TNFRSF1B: variants seen among roughly 807,000 people sequenced by gnomAD.
TNFRSF1B encodes TNF receptor superfamily member 1B, also known as tumor necrosis factor receptor superfamily member 1B.
TNFRSF1B carries 19 observed loss-of-function variants against 44.6 expected under a neutral mutation model. The ratio of observed to expected loss-of-function variants is 0.43; its 90% CI spans 0.30 to 0.62. TNFRSF1B has a LOEUF of 0.62. TNFRSF1B is among the 20% of genes least tolerant of loss of function. The pLI is 0.16. For synonymous variants in TNFRSF1B, 252 were observed against 261.1 expected (o/e 0.97, Z 0.34); for missense variants, 541 against 619.9 (o/e 0.87, Z 1.35).
chr1:12,185,030 G>C (rs567462796), intron 1 of TNFRSF1B, among the ~76,000 whole-genome samples: 2 of 152,194 alleles, frequency 1.3e-5, no homozygotes, highest in Admixed American at 1.3e-4. Flanking sequence ...TTGGGGAAGC[G>C]CCCAGCAGCA....
intron 1 of TNFRSF1B, among the ~76,000 whole-genome samples, chr1:12,181,089 C>T (rs915611583): frequency 1.3e-5 from 2 of 152,180 alleles, no homozygotes; most frequent in African/African-American, 4.8e-5. Context: ...GAGGAACGGG[C>T]CTGGTGCCAG....
chr1:12,196,850 C>G (rs1337704382), intron 8 of TNFRSF1B, among the ~76,000 whole-genome samples: 1 of 152,242 alleles, frequency 6.6e-6, no homozygotes, highest in African/African-American at 2.4e-5. Flanking sequence ...GCCCAGCTGT[C>G]ACCTTCCCTT....
At position 12,207,318 on chromosome 1, in the gene TNFRSF1B, C is replaced by T; in HGVS notation, c.*298C>T. On this transcript the variant is annotated 3_prime_UTR_variant, in exon 10 of 10. Coordinates refer to ENST00000376259, the MANE Select transcript of TNFRSF1B (RefSeq NM_001066.3). ...CCTGACTCTCTGTGACCTGCCCCGC[C>T]CAGCTGCACCTGCCAGCCTGGCTTC... 2.8e-6 allele frequency: 1 copy of T among 359,808 alleles called. No individual in the cohort carries two copies. Among genetic ancestry groups the T allele is most frequent in the East Asian group, 4.1e-5 (1 of 24,206 alleles). 22.3% of individuals were successfully genotyped at this position (359,808 alleles called of 1,614,324 possible).
intron 1 of TNFRSF1B, chr1:12,167,381 A>C: frequency 2.4e-6 from 1 of 421,620 alleles, no homozygotes; most frequent in Non-Finnish European, 4.2e-6. Flanking sequence ...CGCTCGGGGC[A>C]CAACTCTGGC....
At chr1:12,200,905 G>T (rs1300973443) in intron 8 of TNFRSF1B, among the ~76,000 whole-genome samples, 1 of 152,186 alleles carries the variant, frequency 6.6e-6, no homozygotes, top group Non-Finnish European at 1.5e-5. Context: ...ACAGGCATGA[G>T]CCACCAAGCC....
intron 1 of TNFRSF1B, among the ~76,000 whole-genome samples, chr1:12,181,222 C>T (rs1053335954): frequency 3.9e-5 from 6 of 152,202 alleles, no homozygotes; most frequent in Admixed American, 6.5e-5. Flanking sequence ...CCACTAAAGC[C>T]GGGCAGTTCG....
intron 1 of TNFRSF1B, among the ~76,000 whole-genome samples, chr1:12,184,224 G>C (rs1638922571): frequency 6.6e-6 from 1 of 152,222 alleles, no homozygotes; most frequent in Admixed American, 6.5e-5. Context: ...CGGCTCCCAG[G>C]GCTGTGGTTT....
chr1:12,199,135 C>T lies in TNFRSF1B; in HGVS notation c.901-2832C>T, dbSNP rs1020565951. ...TGTGGCTTGGGAGGAGGGAGGTGGC[C>T]GTGACCTTTGGGGGTTTTTGTTCTG... On this transcript the variant is annotated intron_variant, in intron 8 of 9. Transcript: ENST00000376259. The surrounding 1 kb of genome is among the most constrained non-coding windows in gnomAD (Gnocchi z 4.0). Among the ~76,000 whole-genome samples, 6 of 152,198 alleles carry T rather than the reference C, an allele frequency of 3.9e-5. No homozygotes were observed. Among genetic ancestry groups the T allele is most frequent in the Admixed American group, 3.3e-4 (5 of 15,276 alleles).
chr1:12,185,729 C>T (rs1022274393), intron 1 of TNFRSF1B, among the ~76,000 whole-genome samples: 2 of 152,190 alleles, frequency 1.3e-5, no homozygotes, highest in Admixed American at 6.5e-5. Flanking sequence ...GCGGCCCTGG[C>T]GCTGGAGTTA....
At chr1:12,203,626 G>A (rs1283221375) in intron 9 of TNFRSF1B, among the ~76,000 whole-genome samples, 1 of 152,228 alleles carries the variant, frequency 6.6e-6, no homozygotes, top group African/African-American at 2.4e-5. Flanking sequence ...GCCAGTGCCT[G>A]GAAGAGATCA....
At chr1:12,173,610 C>T (rs5745962) in intron 1 of TNFRSF1B, among the ~76,000 whole-genome samples, 5 of 152,298 alleles carry the variant, frequency 3.3e-5, no homozygotes, top group African/African-American at 7.2e-5. Flanking sequence ...TGTAGGCAGG[C>T]GCTGCAGAGC....
At chr1:12,202,211 C>T (rs911707364) in intron 9 of TNFRSF1B, 40 bp downstream of exon 9, 1 of 1,532,926 alleles carries the variant, frequency 6.5e-7, no homozygotes, top group African/African-American at 1.4e-5. Flanking sequence ...CCCAAGCCTC[C>T]TTGGTCTTTC....
intron 1 of TNFRSF1B, among the ~76,000 whole-genome samples, chr1:12,183,320 G>C (rs542282): frequency 0.22 from 33,101 of 152,138 alleles, 3,732 homozygotes; most frequent in South Asian, 0.26. Context: ...TCTGGGAGAC[G>C]AGGGGAGGTG....
intron 6 of TNFRSF1B, 39 bp downstream of exon 6, chr1:12,193,137 C>A: frequency 6.6e-7 from 1 of 1,524,846 alleles, no homozygotes; most frequent in Non-Finnish European, 9.0e-7. Context: ...CTCCTTCTGT[C>A]TGCCTGTCTT....
At chr1:12,184,974 T>C (rs1054310783) in intron 1 of TNFRSF1B, among the ~76,000 whole-genome samples, 1 of 152,108 alleles carries the variant, frequency 6.6e-6, no homozygotes, top group African/African-American at 2.4e-5. Context: ...GGCAGCTGTG[T>C]CTGGGAGGCC....
chr1:12,185,108 G>A (rs1352256742), intron 1 of TNFRSF1B, among the ~76,000 whole-genome samples: 1 of 148,894 alleles, frequency 6.7e-6, no homozygotes. Flanking sequence ...GTTAGTATTC[G>A]ATGGAATGGC....
At chr1:12,184,066 A>G (rs1416130523) in intron 1 of TNFRSF1B, among the ~76,000 whole-genome samples, 1 of 152,240 alleles carries the variant, frequency 6.6e-6, no homozygotes, top group East Asian at 1.9e-4. Flanking sequence ...TAACATGTCA[A>G]AGATCCCCTG....
At chr1:12,167,939 A>G (rs908579770) in intron 1 of TNFRSF1B, among the ~76,000 whole-genome samples, 1 of 152,244 alleles carries the variant, frequency 6.6e-6, no homozygotes, top group African/African-American at 2.4e-5. Flanking sequence ...CACAGTAGCA[A>G]CGGGCGTACA....
chr1:12,186,064 A>G lies in TNFRSF1B; in HGVS notation c.79-2732A>G, dbSNP rs1402449812. Among the ~76,000 whole-genome samples the G allele has an allele frequency of 6.6e-6, 1 of 152,152 alleles. No individual in the cohort carries two copies. The highest frequency in any genetic ancestry group is 1.5e-5 in the Non-Finnish European group (1 of 68,006). Reference sequence around the variant, plus strand: ...GCACCAGGCCATTCCAGGCATAGAAATCAGCTGGGGTGCAAAGGCCTGGGG... The same window carrying G: ...GCACCAGGCCATTCCAGGCATAGAAGTCAGCTGGGGTGCAAAGGCCTGGGG... On this transcript the variant is annotated intron_variant, in intron 1 of 9. Coordinates refer to ENST00000376259, the MANE Select transcript of TNFRSF1B (RefSeq NM_001066.3). This position sits in a 1 kb window ranked among gnomAD's most constrained non-coding sequence, Gnocchi z 4.8.
Sources: gnomAD v4.1 joint callset for allele counts (sites outside exome capture counted in the v4.1 genomes callset) on GRCh38, gnomAD v4.1.1 for gene constraint, Gnocchi (gnomAD v3.1) non-coding constraint, MANE v1.5 for transcripts, NCBI Gene and HGNC (gene_info 2026-07-23, HGNC 2026-07-21) for gene names.